Variants in SNTG1 observed in about 807,000 individuals in gnomAD.
The protein encoded by SNTG1 is syntrophin gamma 1.
SNTG1 carries 39 observed loss-of-function variants against 74.7 expected under a neutral mutation model. That is an observed-to-expected ratio of 0.52 (90% CI 0.40 to 0.68). SNTG1 has a LOEUF of 0.68. Ranked by LOEUF, SNTG1 falls within the 30% of genes least tolerant of loss-of-function variation. SNTG1 has a pLI of 0.00. For missense variants in SNTG1, 685 were observed against 609.5 expected (o/e 1.12, Z -1.30); for synonymous variants, 254 against 217.1 (o/e 1.17, Z -1.49).
At chr8:50,777,802 T>A (rs539077641) in intron 18 of SNTG1, among the ~76,000 whole-genome samples, 1 of 152,120 alleles carries the variant, frequency 6.6e-6, no homozygotes, top group South Asian at 2.1e-4. Context: ...GCTGCACCCA[T>A]TAACTCATCA....
intron 13 of SNTG1, among the ~76,000 whole-genome samples, chr8:50,636,667 A>G (rs1401413742): frequency 6.6e-6 from 1 of 152,154 alleles, no homozygotes; most frequent in African/African-American, 2.4e-5. Context: ...TTAGTGAAAC[A>G]ATTCAAGATT....
intron 1 of SNTG1, among the ~76,000 whole-genome samples, chr8:50,000,268 T>C (rs2130436252): frequency 6.6e-6 from 1 of 152,256 alleles, no homozygotes; most frequent in East Asian, 1.9e-4. Context: ...CATTTCCATC[T>C]CTTTCTGACT....
At chr8:50,010,045 T>A (rs986120350) in intron 1 of SNTG1, among the ~76,000 whole-genome samples, 14 of 152,218 alleles carry the variant, frequency 9.2e-5, no homozygotes, top group Admixed American at 2.0e-4. Flanking sequence ...TTTTCCTTTT[T>A]ATCAAGTCTC....
chr8:50,112,595 T>C (rs2080642047), intron 1 of SNTG1, among the ~76,000 whole-genome samples: 1 of 130,544 alleles, frequency 7.7e-6, no homozygotes. Flanking sequence ...CAATCTCAGC[T>C]CACTGCAACC....
In SNTG1 at chr8:50,120,097, T is replaced by A. The variant is rs1292666098; in HGVS notation, c.-102-52464T>A. On this transcript the variant is annotated intron_variant, in intron 1 of 18. Transcript: ENST00000642720. ...TACCTTGGACACATTGCATAACATC[T>A]GTCTTGTTATTTTTGTTTTCTCCCC... Among the ~76,000 whole-genome samples the A allele has an allele frequency of 2.8e-5, 4 of 141,780 alleles. 2 individuals are homozygous for A. Among genetic ancestry groups the A allele is most frequent in the South Asian group, 5.2e-4 (2 of 3,822 alleles). 93.0% of individuals were successfully genotyped at this position (141,780 alleles called of 152,430 possible). A position where few individuals can be genotyped will look rare whatever the true frequency, so the allele number is the denominator to read the frequency against.
In SNTG1 at chr8:50,536,812, A is replaced by T; in HGVS notation, c.680+4A>T. ...TGCCCGGCACAGATTTGAGTCGGTG[A>T]GTCCGTGTTTAGGAGTTATGACTGT... On this transcript the variant is annotated splice_donor_region_variant and intron_variant, in intron 11 of 18. Coordinates refer to ENST00000642720, the MANE Select transcript of SNTG1 (RefSeq NM_018967.5). 1.2e-6 allele frequency: 2 copies of T among 1,613,766 alleles called. No homozygotes were observed. The highest frequency in any genetic ancestry group is 1.7e-6 in the Non-Finnish European group (2 of 1,179,734).
intron 5 of SNTG1, among the ~76,000 whole-genome samples, chr8:50,447,779 T>G (rs1232731267): frequency 1.3e-5 from 2 of 152,154 alleles, no homozygotes; most frequent in South Asian, 4.1e-4. Context: ...AATAACATGT[T>G]AGACACTGAT....
At chr8:50,409,124 G>A (rs1387935718) in intron 4 of SNTG1, among the ~76,000 whole-genome samples, 1 of 152,126 alleles carries the variant, frequency 6.6e-6, no homozygotes, top group African/African-American at 2.4e-5. Flanking sequence ...AAGTCAAGTA[G>A]CTCCTCAGAG....
chr8:50,314,399 G>C (rs1013658038), intron 2 of SNTG1, among the ~76,000 whole-genome samples: 2 of 149,312 alleles, frequency 1.3e-5, no homozygotes, highest in African/African-American at 5.0e-5. Context: ...GAATTTAAAG[G>C]TTTCACCAAA....
At chr8:49,949,925 G>A (rs915644942) in intron 1 of SNTG1, among the ~76,000 whole-genome samples, 18 of 152,170 alleles carry the variant, frequency 1.2e-4, no homozygotes, top group African/African-American at 3.4e-4. Flanking sequence ...CTGGGAGTTC[G>A]AGACCAGCCT....
chr8:50,783,023 T>G (rs2095664422), intron 18 of SNTG1, among the ~76,000 whole-genome samples: 1 of 152,158 alleles, frequency 6.6e-6, no homozygotes, highest in Non-Finnish European at 1.5e-5. Context: ...GAGCCGATTT[T>G]CATGAACCGC....
intron 15 of SNTG1, among the ~76,000 whole-genome samples, chr8:50,666,980 CA>C (rs1386392759): frequency 6.6e-6 from 1 of 151,672 alleles, no homozygotes; most frequent in Admixed American, 6.6e-5. Flanking sequence ...TCTTTTATCG[CA>C]ACTGCTTGCA....
chr8:50,291,073 TG>T (rs2089075573), intron 2 of SNTG1, among the ~76,000 whole-genome samples: 1 of 152,186 alleles, frequency 6.6e-6, no homozygotes, highest in Admixed American at 6.6e-5. Flanking sequence ...TATTCATTCT[TG>T]CATATGTGGA....
intron 1 of SNTG1, among the ~76,000 whole-genome samples, chr8:49,967,025 G>A (rs1811204429): frequency 6.6e-6 from 1 of 151,892 alleles, no homozygotes. Context: ...TTTACTATTT[G>A]GAGAGCACTC....
At chr8:50,477,782 A>T (rs1305929734) in intron 8 of SNTG1, among the ~76,000 whole-genome samples, 1 of 152,148 alleles carries the variant, frequency 6.6e-6, no homozygotes, top group Non-Finnish European at 1.5e-5. Flanking sequence ...GTATATCTAA[A>T]ACTGTTTTAA....
chr8:50,759,672 T>G (rs556610291), intron 18 of SNTG1, among the ~76,000 whole-genome samples: 38 of 152,086 alleles, frequency 2.5e-4, no homozygotes, highest in Non-Finnish European at 5.3e-4. Flanking sequence ...TATATATATA[T>G]ATTGGTACCA....
At chr8:50,716,912 AT>A (rs2095476503) in intron 17 of SNTG1, among the ~76,000 whole-genome samples, 1 of 150,924 alleles carries the variant, frequency 6.6e-6, no homozygotes, top group South Asian at 2.1e-4. Flanking sequence ...TTTTTTTTGC[AT>A]TTTTAGTGGA....
rs1028896954 is a variant in SNTG1 at position 50,256,291 on chromosome 8, T to C, written c.-28+83656T>C. Among the ~76,000 whole-genome samples, 4 of 152,202 alleles carry C rather than the reference T, an allele frequency of 2.6e-5. No homozygotes were observed. In the East Asian group the frequency reaches 5.8e-4, roughly 22 times the overall value. ...ACATAGCAGGTACTATATATTGTTT[T>C]CTTTAAGAGATGAAAAATAAAGAAT... On this transcript the variant is annotated intron_variant, in intron 2 of 18. Coordinates refer to ENST00000642720, the MANE Select transcript of SNTG1 (RefSeq NM_018967.5).
At chr8:50,454,918 G>C (rs1220874527) in intron 8 of SNTG1, among the ~76,000 whole-genome samples, 1 of 149,380 alleles carries the variant, frequency 6.7e-6, no homozygotes, top group African/African-American at 2.4e-5. Context: ...TGAGTACTTT[G>C]TGTGATAAGA....
Sources: allele counts gnomAD v4.1 joint callset (sites outside exome capture counted in the v4.1 genomes callset), GRCh38; gene constraint gnomAD v4.1.1; transcripts MANE v1.5; gene names NCBI Gene and HGNC (gene_info 2026-07-23, HGNC 2026-07-21).